PLCB1: variants seen among roughly 807,000 people sequenced by gnomAD.
PLCB1 encodes the protein phospholipase C beta 1, also known as 1-phosphatidylinositol 4,5-bisphosphate phosphodiesterase beta-1.
A neutral mutation model predicts 161.8 loss-of-function variants in PLCB1; 46 were observed. That is an observed-to-expected ratio of 0.28 (90% CI 0.22 to 0.36). The LOEUF is 0.36. Among genes scored for constraint, PLCB1 ranks in the 10% least tolerant of loss-of-function variants. The pLI is 1.00. For synonymous variants in PLCB1, 517 were observed against 503.7 expected (o/e 1.03, Z -0.35); for missense variants, 1,016 against 1,472.5 (o/e 0.69, Z 5.07).
intron 31 of PLCB1, chr20:8,802,300 T>A: frequency 1.7e-6 from 1 of 584,834 alleles, no homozygotes; most frequent in Non-Finnish European, 3.0e-6. Context: ...CTTTTTTTTC[T>A]GCTAAAGTTC....
chr20:8,132,271 C>T lies in PLCB1; in HGVS notation c.-381C>T, dbSNP rs1015281802. 1.2e-5 allele frequency: 2 copies of T among 161,910 alleles called. No homozygotes were observed. The highest frequency in any genetic ancestry group is 2.7e-5 in the Non-Finnish European group (2 of 74,538). 10.0% of individuals were successfully genotyped at this position (161,910 alleles called of 1,614,324 possible). ...GGGGGCGCCGGGCGTGTGTCACTCG[C>T]TCTCTCCCTCTGTGTATAGAGGATG... is the stretch of plus-strand genomic sequence containing the variant. On this transcript the variant is annotated 5_prime_UTR_variant, in exon 1 of 32. Transcript: ENST00000338037. The surrounding 1 kb of genome is among the most constrained non-coding windows in gnomAD (Gnocchi z 5.2).
chr20:8,281,685 CT>C (rs1006598296), intron 2 of PLCB1, among the ~76,000 whole-genome samples: 1 of 151,842 alleles, frequency 6.6e-6, no homozygotes. Flanking sequence ...TTGCCTTTTA[CT>C]TTTTTTTGGT....
chr20:8,802,090 G>T (rs749059455), intron 31 of PLCB1: 1 of 1,612,500 alleles, frequency 6.2e-7, no homozygotes, highest in East Asian at 2.2e-5. Context: ...TCGGAAACTT[G>T]CCATGAGGAT....
chr20:8,793,839 G>A (rs1254053233), intron 31 of PLCB1, among the ~76,000 whole-genome samples: 1 of 152,138 alleles, frequency 6.6e-6, no homozygotes, highest in East Asian at 1.9e-4. Context: ...TTCCTAATAA[G>A]CCTGGGAGCA....
intron 12 of PLCB1, among the ~76,000 whole-genome samples, chr20:8,712,258 G>A (rs142556736): frequency 0.069 from 10,443 of 152,090 alleles, 733 homozygotes; most frequent in African/African-American, 0.18. Context: ...TCACGCCACT[G>A]CACTCCAGCC....
intron 7 of PLCB1, chr20:8,653,574 T>C (rs1398908198): frequency 6.6e-6 from 1 of 152,018 alleles, no homozygotes; most frequent in Non-Finnish European, 1.5e-5. Flanking sequence ...CATCAACTTG[T>C]CAAGAAAAAC....
chr20:8,828,074 T>G (rs986491150), intron 31 of PLCB1, among the ~76,000 whole-genome samples: 1 of 152,136 alleles, frequency 6.6e-6, no homozygotes, highest in Non-Finnish European at 1.5e-5. Context: ...ATTTGGAAAA[T>G]GAAGTCAATA....
chr20:8,184,107 T>C (rs1225515675), intron 2 of PLCB1, among the ~76,000 whole-genome samples: 2 of 152,196 alleles, frequency 1.3e-5, no homozygotes, highest in African/African-American at 2.4e-5. Context: ...TAGAGACTTA[T>C]GCTGTTAATT....
intron 14 of PLCB1, among the ~76,000 whole-genome samples, chr20:8,720,909 C>G (rs2123474681): frequency 6.6e-6 from 1 of 151,010 alleles, no homozygotes; most frequent in East Asian, 1.9e-4. Flanking sequence ...TATAAAAATG[C>G]TTAAGTGGCA....
At chr20:8,519,832 A>T (rs1984280507) in intron 3 of PLCB1, among the ~76,000 whole-genome samples, 1 of 152,186 alleles carries the variant, frequency 6.6e-6, no homozygotes, top group South Asian at 2.1e-4. Context: ...CATGTATTAA[A>T]TCCTGGAGAA....
At chr20:8,553,563 G>A (rs1004386548) in intron 3 of PLCB1, among the ~76,000 whole-genome samples, 1 of 152,130 alleles carries the variant, frequency 6.6e-6, no homozygotes, top group Non-Finnish European at 1.5e-5. Flanking sequence ...CACATACACA[G>A]TGAAAGTTAT....
chr20:8,779,377 A>C (rs977696092), intron 27 of PLCB1, among the ~76,000 whole-genome samples: 1 of 152,060 alleles, frequency 6.6e-6, no homozygotes, highest in African/African-American at 2.4e-5. Flanking sequence ...ATGGATATGA[A>C]AGCACAGATA....
intron 2 of PLCB1, among the ~76,000 whole-genome samples, chr20:8,217,429 T>C (rs1207703362): frequency 6.6e-6 from 1 of 151,838 alleles, no homozygotes; most frequent in African/African-American, 2.4e-5. Context: ...GAGTACCCCA[T>C]CTCTCCCTGA....
rs528747702 is a variant in PLCB1 at position 8,742,135 on chromosome 20, A to T, written c.2523+562A>T. Among the ~76,000 whole-genome samples, 239 of 152,260 alleles carry T rather than the reference A, an allele frequency of 1.6e-3. 1 individual carries two copies. Among genetic ancestry groups the T allele is most frequent in the Middle Eastern group, 3.4e-3 (1 of 294 alleles). On this transcript the variant is annotated intron_variant, in intron 23 of 31. Coordinates refer to ENST00000338037, the MANE Select transcript of PLCB1 (RefSeq NM_015192.4). ...GTCACAATGCAAAGCATAATTAAGG[A>T]AGGGTCTAAAAATAGTAGAAATGAA... is the stretch of plus-strand genomic sequence containing the variant.
At chr20:8,351,512 T>C (rs571420197) in intron 2 of PLCB1, among the ~76,000 whole-genome samples, 1 of 152,060 alleles carries the variant, frequency 6.6e-6, no homozygotes, top group Non-Finnish European at 1.5e-5. Flanking sequence ...AATTTAAAAC[T>C]TTTGCTATGC....
intron 2 of PLCB1, among the ~76,000 whole-genome samples, chr20:8,178,875 A>G (rs1425921660): frequency 6.6e-6 from 1 of 152,202 alleles, no homozygotes; most frequent in East Asian, 1.9e-4. Flanking sequence ...TCCTAGCACC[A>G]TTTATTGAAT....
At chr20:8,161,436 G>C (rs1029901383) in intron 2 of PLCB1, among the ~76,000 whole-genome samples, 1 of 152,192 alleles carries the variant, frequency 6.6e-6, no homozygotes, top group Non-Finnish European at 1.5e-5. Context: ...GTTATGTCAT[G>C]ATCCCTGGTT....
chr20:8,285,617 C>A (rs1223552394), intron 2 of PLCB1, among the ~76,000 whole-genome samples: 3 of 152,106 alleles, frequency 2.0e-5, no homozygotes, highest in Non-Finnish European at 4.4e-5. Flanking sequence ...GTCTCTGTAT[C>A]AGGTACATAG....
chr20:8,637,001 C>T (rs967205938), intron 4 of PLCB1, among the ~76,000 whole-genome samples: 1 of 151,018 alleles, frequency 6.6e-6, no homozygotes, highest in African/African-American at 2.4e-5. Context: ...TACCGGTGTG[C>T]CTAGCCTGGA....
Sources: gnomAD v4.1 joint callset for allele counts (sites outside exome capture counted in the v4.1 genomes callset) on GRCh38, gnomAD v4.1.1 for gene constraint, Gnocchi (gnomAD v3.1) non-coding constraint, MANE v1.5 for transcripts, NCBI Gene and HGNC (gene_info 2026-07-23, HGNC 2026-07-21) for gene names.